The following NUCKS1 variants were observed in gnomAD, a reference collection of about 807,000 sequenced individuals.
NUCKS1 encodes the protein nuclear casein kinase and cyclin dependent kinase substrate 1.
NUCKS1 carries 2 observed loss-of-function variants against 33.0 expected under a neutral mutation model. The observed-to-expected ratio is 0.06, with a 90% CI of 0.02 to 0.19. The LOEUF (loss-of-function observed/expected upper bound fraction) is 0.19. Ranked by LOEUF, NUCKS1 falls within the 10% of genes least tolerant of loss-of-function variation. NUCKS1 has a pLI of 1.00. For synonymous variants in NUCKS1, 106 were observed against 102.8 expected, an observed-to-expected ratio of 1.03 and a Z score of -0.19; for missense variants, 201 against 293.6, an observed-to-expected ratio of 0.68 and a Z score of 2.31.
At chr1:205,749,683 C>A (rs1271269114) in intron 1 of NUCKS1, among the ~76,000 whole-genome samples, 1 of 151,976 alleles carries the variant, frequency 6.6e-6, no homozygotes, top group Non-Finnish European at 1.5e-5. Flanking sequence ...CAGGGACACC[C>A]CGCCCGCTCT....
chr1:205,738,812 G>A (rs1399005241), intron 1 of NUCKS1, among the ~76,000 whole-genome samples: 1 of 152,180 alleles, frequency 6.6e-6, no homozygotes, highest in African/African-American at 2.4e-5. Context: ...AGGGGCTGAG[G>A]TGGGAGAATA....
intron 1 of NUCKS1, among the ~76,000 whole-genome samples, chr1:205,730,067 T>G (rs1212754169): frequency 6.6e-6 from 1 of 152,068 alleles, no homozygotes; most frequent in Admixed American, 6.5e-5. Context: ...TTTAATTAAT[T>G]TTTTGAGACA....
chr1:205,750,015 A>AGGGGGGGGGG lies in NUCKS1; in HGVS notation c.-43_-42insCCCCCCCCCC. ...GGACCGAGTCGAGAAGCCAAAGACC[A>AGGGGGGGGGG]GGACCCCCCCCACCCCGCGCGCTCG... On this transcript the variant is annotated 5_prime_UTR_variant, in exon 1 of 7. Coordinates refer to ENST00000367142, the MANE Select transcript of NUCKS1 (RefSeq NM_022731.5). The AGGGGGGGGGG allele has an allele frequency of 2.0e-6, 3 of 1,506,260 alleles. No individual in the cohort carries two copies. Among genetic ancestry groups the AGGGGGGGGGG allele is most frequent in the East Asian group, 2.8e-5 (1 of 36,318 alleles). 93.3% of individuals were successfully genotyped at this position (1,506,260 alleles called of 1,614,324 possible).
At chr1:205,745,075 T>C (rs1351288964) in intron 1 of NUCKS1, among the ~76,000 whole-genome samples, 1 of 152,118 alleles carries the variant, frequency 6.6e-6, no homozygotes, top group African/African-American at 2.4e-5. Flanking sequence ...GCCCCAATGG[T>C]TTCAAACTAG....
intron 1 of NUCKS1, among the ~76,000 whole-genome samples, chr1:205,749,545 C>T (rs1454511408): frequency 6.6e-6 from 1 of 151,898 alleles, no homozygotes; most frequent in Non-Finnish European, 1.5e-5. Context: ...CCCCTCCTCG[C>T]TGAAGGTGGG....
At position 205,750,175 on chromosome 1, in the gene NUCKS1, A is replaced by C; in HGVS notation, c.-202T>G. 1 of 578,240 alleles carries C rather than the reference A, an allele frequency of 1.7e-6. No homozygotes were observed. Among genetic ancestry groups the C allele is most frequent in the Non-Finnish European group, 3.1e-6 (1 of 321,456 alleles). The allele number at this position is 578,240 out of a possible 1,614,324, so 35.8% of individuals were successfully genotyped here. On this transcript the variant is annotated 5_prime_UTR_variant, in exon 1 of 7. Coordinates refer to ENST00000367142, the MANE Select transcript of NUCKS1 (RefSeq NM_022731.5). Reference sequence around the variant, plus strand: ...AGCCCCCCGCTCCCCCGTCTCTTCAAAATGGATGAATCAAACCAGCCGAAA... The same window carrying C: ...AGCCCCCCGCTCCCCCGTCTCTTCACAATGGATGAATCAAACCAGCCGAAA...
chr1:205,742,934 A>G (rs1377482311), intron 1 of NUCKS1, among the ~76,000 whole-genome samples: 1 of 152,376 alleles, frequency 6.6e-6, no homozygotes, highest in South Asian at 2.1e-4. Context: ...CAATCCAAAA[A>G]GCTACTTCTG....
At chr1:205,728,047 CCT>C (rs1302151305) in intron 2 of NUCKS1, among the ~76,000 whole-genome samples, 4 of 152,022 alleles carry the variant, frequency 2.6e-5, no homozygotes, top group South Asian at 2.1e-4. Flanking sequence ...TATAGCTAAA[CCT>C]CTCTCATCAT....
Position 205,740,072 on chromosome 1 carries a change from G to C in NUCKS1, c.17+9885C>G, listed in dbSNP as rs144150479. Among the ~76,000 whole-genome samples the C allele has an allele frequency of 5.1e-3, 660 of 129,314 alleles. 3 individuals carry two copies. Among genetic ancestry groups the C allele is most frequent in the African/African-American group, 0.018 (618 of 34,718 alleles). 84.8% of individuals were successfully genotyped at this position (129,314 alleles called of 152,430 possible). ...GACTGGAGTACAGTGGCATGATGAT[G>C]GCTCACTACAACCTCTGCCTCCCAG... is the stretch of plus-strand genomic sequence containing the variant. On this transcript the variant is annotated intron_variant, in intron 1 of 6. Transcript: ENST00000367142.
At chr1:205,722,580 AC>A (rs1156501912) in intron 4 of NUCKS1, among the ~76,000 whole-genome samples, 1 of 152,196 alleles carries the variant, frequency 6.6e-6, no homozygotes, top group Non-Finnish European at 1.5e-5. Context: ...TTTGATAGAG[AC>A]AGGGTTTTGC....
chr1:205,729,531 G>C, intron 2 of NUCKS1, 41 bp downstream of exon 2: 1 of 1,402,586 alleles, frequency 7.1e-7, no homozygotes, highest in African/African-American at 1.4e-5. Context: ...AACCTCCACT[G>C]GTCAGTCCAA....
At chr1:205,723,234 A>G (rs1671951693) in intron 4 of NUCKS1, among the ~76,000 whole-genome samples, 1 of 152,206 alleles carries the variant, frequency 6.6e-6, no homozygotes, top group African/African-American at 2.4e-5. Flanking sequence ...ATTTAAAGGG[A>G]GATCCAGGGA....
Position 205,750,036 on chromosome 1 carries a change from GCTC to G in NUCKS1, c.-66_-64del. On this transcript the variant is annotated 5_prime_UTR_variant, in exon 1 of 7. Transcript: ENST00000367142. ...GACCAGGACCCCCCCCACCCCGCGC[GCTC>G]GGCGCCCCACCCCCCCCGAACTTCA... 2 of 1,233,606 alleles carry G rather than the reference GCTC, an allele frequency of 1.6e-6. No homozygotes were observed. The highest frequency in any genetic ancestry group is 2.1e-6 in the Non-Finnish European group (2 of 970,586). 76.4% of individuals were successfully genotyped at this position (1,233,606 alleles called of 1,614,324 possible).
intron 4 of NUCKS1, among the ~76,000 whole-genome samples, chr1:205,722,131 A>G (rs914430939): frequency 2.0e-5 from 3 of 151,500 alleles, no homozygotes; most frequent in Non-Finnish European, 2.9e-5. Context: ...ATTGGAGTGC[A>G]GTGGTGCAAT....
chr1:205,749,180 C>T (rs1005903983), intron 1 of NUCKS1, among the ~76,000 whole-genome samples: 1 of 152,234 alleles, frequency 6.6e-6, no homozygotes, highest in African/African-American at 2.4e-5. Flanking sequence ...TAACCCGCAC[C>T]TCCCTGAGTA....
chr1:205,744,924 G>C (rs1336233304), intron 1 of NUCKS1, among the ~76,000 whole-genome samples: 3 of 152,130 alleles, frequency 2.0e-5, no homozygotes, highest in African/African-American at 7.2e-5. Flanking sequence ...GAGCCACCGC[G>C]CCTGGCCCTC....
At chr1:205,727,609 A>G in intron 3 of NUCKS1, 91 bp downstream of exon 3, 2 of 853,834 alleles carry the variant, frequency 2.3e-6, no homozygotes, top group South Asian at 2.8e-5. Context: ...TTTCAAAAGT[A>G]TATGAGATTC....
intron 1 of NUCKS1, among the ~76,000 whole-genome samples, chr1:205,732,907 G>A (rs1248429523): frequency 6.6e-6 from 1 of 151,606 alleles, no homozygotes; most frequent in African/African-American, 2.4e-5. Flanking sequence ...CTATGGAAAT[G>A]CCTGCCATGT....
chr1:205,746,351 G>A (rs1654324870), intron 1 of NUCKS1, among the ~76,000 whole-genome samples: 1 of 151,908 alleles, frequency 6.6e-6, no homozygotes, highest in Non-Finnish European at 1.5e-5. Context: ...TATCTTTGAT[G>A]GCATGTCTTT....
Sources: gnomAD v4.1 joint callset for allele counts (sites outside exome capture counted in the v4.1 genomes callset) on GRCh38, gnomAD v4.1.1 for gene constraint, MANE v1.5 for transcripts, NCBI Gene and HGNC (gene_info 2026-07-23, HGNC 2026-07-21) for gene names.